Variants in NKD2 observed in about 807,000 individuals in gnomAD.
The protein encoded by NKD2 is protein naked cuticle homolog 2.
A neutral mutation model predicts 34.8 loss-of-function variants in NKD2; 43 were observed. That is an observed-to-expected ratio of 1.24 (90% CI 0.97 to 1.60). The LOEUF is 1.60. NKD2 is among the 40% of genes most tolerant of loss of function. The pLI is 0.00. For missense variants in NKD2, 675 were observed against 627.1 expected, an observed-to-expected ratio of 1.08 and a Z score of -0.82; for synonymous variants, 278 against 265.1, an observed-to-expected ratio of 1.05 and a Z score of -0.47.
chr5:1,010,302 C>G lies in NKD2; in HGVS notation c.141+742C>G, dbSNP rs974084519. Reference sequence around the variant, plus strand: ...TGATGGTCATCAGTGTCAGTGTGAACTGTATCGGTGCAGACAGCCCCACCA... The same window carrying G: ...TGATGGTCATCAGTGTCAGTGTGAAGTGTATCGGTGCAGACAGCCCCACCA... On this transcript the variant is annotated intron_variant, in intron 3 of 9. Transcript: ENST00000296849. 1.5e-4 allele frequency among the ~76,000 whole-genome samples: 23 copies of G among 152,226 alleles called. 1 individual carries two copies. Among genetic ancestry groups the G allele is most frequent in the Admixed American group, 5.2e-4 (8 of 15,286 alleles).
chr5:1,035,826 TG>T, intron 8 of NKD2: 1 of 268,180 alleles, frequency 3.7e-6, no homozygotes, highest in East Asian at 6.4e-5. Flanking sequence ...TGAGGGTGGC[TG>T]GGGCAGTGGT....
chr5:1,038,356 C>CACT lies in NKD2; in HGVS notation c.1340_1342dup (p.His447_Phe448insTyr), dbSNP rs1467197625. 29 of 1,535,862 alleles carry CACT rather than the reference C, an allele frequency of 1.9e-5. No homozygotes were observed. Among genetic ancestry groups the CACT allele is most frequent in the Non-Finnish European group, 2.5e-5 (29 of 1,147,088 alleles). On this transcript the variant is annotated inframe_insertion, in exon 10 of 10. Transcript: ENST00000296849. The surrounding 1 kb of genome is among the most constrained non-coding windows in gnomAD (Gnocchi z 4.5). ...GCACCACCACCACCACCACCACCAC[C>CACT]ACTTCCACCCGTCCTAGCGCCACTG...
chr5:1,011,426 C>T (rs554060610), intron 3 of NKD2, among the ~76,000 whole-genome samples: 21 of 152,316 alleles, frequency 1.4e-4, no homozygotes, highest in African/African-American at 5.1e-4. Context: ...GCGAAGTGTC[C>T]CTCTGGCTCT....
chr5:1,021,007 G>A (rs1756154685), intron 3 of NKD2, among the ~76,000 whole-genome samples: 1 of 152,112 alleles, frequency 6.6e-6, no homozygotes, highest in Admixed American at 6.6e-5. Flanking sequence ...AAACAATCCA[G>A]ATGATGAAAA....
At chr5:1,030,015 C>CGGGGT (rs1756577653) in intron 3 of NKD2, among the ~76,000 whole-genome samples, 1 of 97,238 alleles carries the variant, frequency 1.0e-5, no homozygotes, top group East Asian at 3.0e-4. Flanking sequence ...GATTGTGGTG[C>CGGGGT]GGGGGGGGGG....
At chr5:1,011,159 A>G (rs1013805105) in intron 3 of NKD2, among the ~76,000 whole-genome samples, 1 of 152,222 alleles carries the variant, frequency 6.6e-6, no homozygotes, top group Admixed American at 6.5e-5. Flanking sequence ...ACTCCTTTCT[A>G]AGTTAAAATG....
chr5:1,016,063 C>A (rs907822261), intron 3 of NKD2, among the ~76,000 whole-genome samples: 3 of 152,210 alleles, frequency 2.0e-5, no homozygotes, highest in African/African-American at 7.2e-5. Context: ...GCAGAAGGCG[C>A]GGTGTGTGAG....
rs1196799649 is a variant in NKD2, at chr5:1,026,563, C to T, written c.142-5589C>T. Among the ~76,000 whole-genome samples the T allele has an allele frequency of 2.0e-3, 126 of 64,010 alleles. 1 individual carries two copies. The highest frequency in any genetic ancestry group is 2.9e-3 in the African/African-American group (72 of 24,520). The allele number at this position is 64,010 out of a possible 152,430, so 42.0% of individuals were successfully genotyped here. A position where few individuals can be genotyped will look rare whatever the true frequency, so the allele number is the denominator to read the frequency against. On this transcript the variant is annotated intron_variant, in intron 3 of 9. Coordinates refer to ENST00000296849, the MANE Select transcript of NKD2 (RefSeq NM_033120.4). ...GCCCATTGTCCCTGCTCTTCCCACC[C>T]TCTGTGGGTGTCCCAGCCCATTGTC...
intron 3 of NKD2, among the ~76,000 whole-genome samples, chr5:1,010,309 G>A (rs541983332): frequency 1.6e-4 from 25 of 152,300 alleles, no homozygotes; most frequent in Admixed American, 9.1e-4. Context: ...GAACTGTATC[G>A]GTGCAGACAG....
At chr5:1,016,176 G>GGC (rs1755944358) in intron 3 of NKD2, among the ~76,000 whole-genome samples, 1 of 152,256 alleles carries the variant, frequency 6.6e-6, no homozygotes, top group South Asian at 2.1e-4. Context: ...GTGCTGACCT[G>GGC]GCTGCCGCCT....
At chr5:1,018,782 C>G (rs1756057474) in intron 3 of NKD2, among the ~76,000 whole-genome samples, 1 of 152,152 alleles carries the variant, frequency 6.6e-6, no homozygotes, top group South Asian at 2.1e-4. Context: ...GGAGCCCTGC[C>G]CATGCCAACC....
chr5:1,034,114 C>T (rs534384456), intron 5 of NKD2, 121 bp from the exon 6 acceptor site: 32 of 701,762 alleles, frequency 4.6e-5, no homozygotes, highest in East Asian at 1.9e-4. Flanking sequence ...CTCTAGGCTC[C>T]GCCTTTCCTA....
At chr5:1,035,178 A>G (rs767809380) in intron 7 of NKD2, among the ~76,000 whole-genome samples, 1 of 151,826 alleles carries the variant, frequency 6.6e-6, no homozygotes, top group Non-Finnish European at 1.5e-5. Flanking sequence ...GTGTTAATGA[A>G]TGAGTGAGTT....
Position 1,019,979 on chromosome 5 carries a change from G to A in NKD2, c.141+10419G>A, listed in dbSNP as rs193300168. Among the ~76,000 whole-genome samples the A allele has an allele frequency of 2.6e-5, 4 of 152,308 alleles. No homozygotes were observed. In the East Asian group the frequency reaches 7.7e-4, roughly 29 times the overall value. ...CGGTTGAGGGTGCAGCAGTTCGGAA[G>A]TTCAGGGCCCGAGTCGTGGTTTTAT... On this transcript the variant is annotated intron_variant, in intron 3 of 9. Coordinates refer to ENST00000296849, the MANE Select transcript of NKD2 (RefSeq NM_033120.4).
At chr5:1,015,500 T>C (rs1230674406) in intron 3 of NKD2, among the ~76,000 whole-genome samples, 1 of 152,230 alleles carries the variant, frequency 6.6e-6, no homozygotes, top group Non-Finnish European at 1.5e-5. Context: ...CCTGGAGCTC[T>C]GAAGGCTGAG....
At chr5:1,023,122 G>A (rs1756271629) in intron 3 of NKD2, among the ~76,000 whole-genome samples, 1 of 7,216 alleles carries the variant, frequency 1.4e-4, no homozygotes, top group African/African-American at 1.5e-4. Flanking sequence ...CACCCTCTGT[G>A]GGCGTCTCAG....
intron 9 of NKD2, chr5:1,036,660 C>G (rs2150751935): frequency 6.7e-6 from 4 of 601,154 alleles, no homozygotes; most frequent in Non-Finnish European, 1.2e-5. Context: ...GTGCCTGGTT[C>G]AAAGTGAGAT....
intron 9 of NKD2, among the ~76,000 whole-genome samples, chr5:1,037,348 T>C (rs1276059838): frequency 6.6e-6 from 1 of 152,150 alleles, no homozygotes; most frequent in Non-Finnish European, 1.5e-5. Flanking sequence ...CCTGCCCTCC[T>C]TGGCCGCGCT....
At chr5:1,035,615 T>C in intron 8 of NKD2, 142 bp downstream of exon 8, 2 of 658,066 alleles carry the variant, frequency 3.0e-6, no homozygotes, top group Non-Finnish European at 5.3e-6. Context: ...CCAGCAGCTC[T>C]GTGGGGCATG....
Sources: gnomAD v4.1 joint callset for allele counts (sites outside exome capture counted in the v4.1 genomes callset) on GRCh38, gnomAD v4.1.1 for gene constraint, Gnocchi (gnomAD v3.1) non-coding constraint, MANE v1.5 for transcripts, NCBI Gene and HGNC (gene_info 2026-07-23, HGNC 2026-07-21) for gene names.